SORT1: variants seen among roughly 807,000 people sequenced by gnomAD.
SORT1 encodes sortilin.
A neutral mutation model predicts 101.7 loss-of-function variants in SORT1; 39 were observed. The ratio of observed to expected loss-of-function variants is 0.38; its 90% confidence interval spans 0.30 to 0.50. The LOEUF is 0.50. SORT1 is among the 20% of genes least tolerant of loss of function. The probability of loss-of-function intolerance (pLI) is 0.90; values close to 1 mark genes in which losing one functional copy is unlikely to be tolerated. For synonymous variants in SORT1, 396 were observed against 393.7 expected, an observed-to-expected ratio of 1.01 and a Z score of -0.07; for missense variants, 878 against 1,040.4, an observed-to-expected ratio of 0.84 and a Z score of 2.15.
At chr1:109,387,511 G>C (rs1025294027) in intron 1 of SORT1, among the ~76,000 whole-genome samples, 4 of 150,290 alleles carry the variant, frequency 2.7e-5, no homozygotes, top group Non-Finnish European at 4.4e-5. Context: ...TTTAAATTTT[G>C]TTTAAAATTT....
chr1:109,360,310 T>G (rs560994478), intron 3 of SORT1, among the ~76,000 whole-genome samples: 11 of 152,056 alleles, frequency 7.2e-5, no homozygotes, highest in Non-Finnish European at 1.5e-4. Flanking sequence ...CACTCCAGCC[T>G]GGGCAACAGT....
intron 10 of SORT1, among the ~76,000 whole-genome samples, chr1:109,339,159 G>A (rs2101576943): frequency 6.6e-6 from 1 of 152,234 alleles, no homozygotes; most frequent in South Asian, 2.1e-4. Flanking sequence ...TTACAGGTGT[G>A]AGCCACCGCG....
At position 109,345,810 on chromosome 1, in the gene SORT1, T is replaced by G; in HGVS notation, c.904A>C (p.Lys302Gln). Residue 302 changes from lysine (K) to glutamine (Q), a missense_variant, in exon 8 of 20, where the codon AAA becomes CAA. Physicochemically the swap from Lys to Gln is moderately conservative, Grantham distance 53. Coordinates refer to ENST00000256637, the MANE Select transcript of SORT1 (RefSeq NM_002959.7). ...LGKSFKTIGVKIYSFGLGGRF... is the reference protein window; with the variant it reads ...LGKSFKTIGVQIYSFGLGGRF... ...CCCCCAAGACCAAATGAGTAGATTTTCACACCAATAGTTTTGAAGCTTTTT... is the reference window on the plus strand; with the variant it reads ...CCCCCAAGACCAAATGAGTAGATTTGCACACCAATAGTTTTGAAGCTTTTT... The G allele has an allele frequency of 6.2e-7, 1 of 1,613,884 alleles. No individual in the cohort carries two copies. Among genetic ancestry groups the G allele is most frequent in the Non-Finnish European group, 8.5e-7 (1 of 1,179,790 alleles).
intron 1 of SORT1, among the ~76,000 whole-genome samples, chr1:109,374,544 T>C (rs775978853): frequency 2.0e-5 from 3 of 151,436 alleles, no homozygotes; most frequent in African/African-American, 4.9e-5. Context: ...TGAGCAGAGA[T>C]TGGACCATTG....
At chr1:109,325,731 T>G (rs1399416792) in intron 13 of SORT1, among the ~76,000 whole-genome samples, 1 of 151,972 alleles carries the variant, frequency 6.6e-6, no homozygotes, top group Non-Finnish European at 1.5e-5. Context: ...TCCCAGAATT[T>G]TGGGAGGCTG....
At chr1:109,388,441 A>G (rs1327526304) in intron 1 of SORT1, among the ~76,000 whole-genome samples, 1 of 151,986 alleles carries the variant, frequency 6.6e-6, no homozygotes, top group African/African-American at 2.4e-5. Flanking sequence ...GGGTCTCACT[A>G]TGTTGCCCAG....
chr1:109,358,076 T>C (rs1202571363), intron 3 of SORT1, among the ~76,000 whole-genome samples: 1 of 152,098 alleles, frequency 6.6e-6, no homozygotes, highest in Non-Finnish European at 1.5e-5. Context: ...TTTTAAGAAC[T>C]TGGCACAACA....
chr1:109,373,286 T>C (rs1031752738), intron 1 of SORT1, among the ~76,000 whole-genome samples: 11 of 152,062 alleles, frequency 7.2e-5, no homozygotes, highest in Non-Finnish European at 1.3e-4. Flanking sequence ...GAGAGGAAGC[T>C]GATATATCGT....
At chr1:109,362,975 C>G (rs1650826298) in intron 3 of SORT1, among the ~76,000 whole-genome samples, 1 of 152,166 alleles carries the variant, frequency 6.6e-6, no homozygotes, top group Admixed American at 6.5e-5. Context: ...ACTAGCAGCA[C>G]TTTGCATTGT....
chr1:109,352,605 C>T (rs1472254249), intron 5 of SORT1, among the ~76,000 whole-genome samples: 1 of 152,150 alleles, frequency 6.6e-6, no homozygotes, highest in African/African-American at 2.4e-5. Flanking sequence ...GTACTCTCAC[C>T]CACCATTCTC....
intron 2 of SORT1, among the ~76,000 whole-genome samples, chr1:109,367,952 G>C (rs942519545): frequency 2.6e-5 from 4 of 152,048 alleles, no homozygotes; most frequent in Non-Finnish European, 5.9e-5. Context: ...AAATGATTCT[G>C]GATGGATTAC....
At chr1:109,348,213 G>C (rs1649725687) in intron 6 of SORT1, among the ~76,000 whole-genome samples, 1 of 152,066 alleles carries the variant, frequency 6.6e-6, no homozygotes, top group South Asian at 2.1e-4. Context: ...ATGTAACCTG[G>C]AAAGGGAGTT....
At chr1:109,346,229 C>T (rs577648350) in intron 7 of SORT1, among the ~76,000 whole-genome samples, 3 of 148,844 alleles carry the variant, frequency 2.0e-5, no homozygotes, top group African/African-American at 7.4e-5. Flanking sequence ...AGGAGAATGG[C>T]GTGAACCCGG....
intron 17 of SORT1, among the ~76,000 whole-genome samples, chr1:109,315,193 A>C (rs17585355): frequency 0.039 from 5,898 of 152,322 alleles, 183 homozygotes; most frequent in Non-Finnish European, 0.058. Flanking sequence ...CTGTGTCAGA[A>C]GAACCAGGCA....
intron 10 of SORT1, 108 bp from the exon 11 acceptor site, chr1:109,336,454 C>G: frequency 1.4e-6 from 1 of 724,698 alleles, no homozygotes; most frequent in Non-Finnish European, 2.4e-6. Context: ...ACCTGGAGTC[C>G]GACAAGCTTG....
intron 6 of SORT1, among the ~76,000 whole-genome samples, chr1:109,348,504 T>A (rs1190123654): frequency 6.6e-6 from 1 of 152,206 alleles, no homozygotes; most frequent in African/African-American, 2.4e-5. Context: ...TTTGTTTATT[T>A]AAGTGACGGA....
intron 17 of SORT1, among the ~76,000 whole-genome samples, chr1:109,316,119 T>C (rs1003973985): frequency 2.0e-5 from 3 of 152,082 alleles, no homozygotes; most frequent in African/African-American, 7.2e-5. Flanking sequence ...ATTTTTCACT[T>C]TGAACATACT....
chr1:109,323,855 G>A (rs762133284), intron 14 of SORT1, among the ~76,000 whole-genome samples: 1 of 152,194 alleles, frequency 6.6e-6, no homozygotes, highest in Non-Finnish European at 1.5e-5. Flanking sequence ...GCTGAGGGGA[G>A]AACTCCCAAG....
chr1:109,394,213 A>G (rs1020448924), intron 1 of SORT1, among the ~76,000 whole-genome samples: 1 of 152,122 alleles, frequency 6.6e-6, no homozygotes, highest in Non-Finnish European at 1.5e-5. Context: ...AGTAATAGCC[A>G]GTATTTTTTA....
Sources: gnomAD v4.1 joint callset for allele counts (sites outside exome capture counted in the v4.1 genomes callset) on GRCh38, gnomAD v4.1.1 for gene constraint, MANE v1.5 for transcripts, NCBI Gene and HGNC (gene_info 2026-07-23, HGNC 2026-07-21) for gene names.